The following NBPF11 variants were observed in gnomAD, a reference collection of about 807,000 sequenced individuals.
NBPF11 encodes NBPF member 11, also known as NBPF family member NBPF11.
Under a neutral mutation model 93.9 loss-of-function variants are expected in NBPF11, and 72 were observed. That is an observed-to-expected ratio of 0.77 (90% CI 0.63 to 0.93). NBPF11 has a LOEUF of 0.93. NBPF11 is among the 40% of genes least tolerant of loss of function. The pLI is 0.00. For synonymous variants in NBPF11, 224 were observed against 304.9 expected, an observed-to-expected ratio of 0.73 and a Z score of 2.76; for missense variants, 705 against 802.2, an observed-to-expected ratio of 0.88 and a Z score of 1.46.
At chr1:148,115,424 C>G (rs1444062984) in intron 14 of NBPF11, among the ~76,000 whole-genome samples, 2 of 149,974 alleles carry the variant, frequency 1.3e-5, no homozygotes, top group East Asian at 4.0e-4. Flanking sequence ...AATACAAAGG[C>G]AAGGCTGCCA....
At chr1:148,118,007 C>T (rs1404186292) in intron 11 of NBPF11, among the ~76,000 whole-genome samples, 4 of 151,806 alleles carry the variant, frequency 2.6e-5, no homozygotes, top group African/African-American at 9.7e-5. Context: ...GATGATGTTC[C>T]ATTCATCTTT....
intron 3 of NBPF11, among the ~76,000 whole-genome samples, chr1:148,136,285 G>C (rs1421091391): frequency 1.3e-5 from 2 of 151,640 alleles, no homozygotes; most frequent in Non-Finnish European, 2.9e-5. Context: ...GTCCATAGCA[G>C]TTTTATTCGT....
intron 8 of NBPF11, 142 bp from the exon 9 acceptor site, chr1:148,122,408 G>C: frequency 7.1e-7 from 1 of 1,401,368 alleles, no homozygotes; most frequent in South Asian, 1.2e-5. Context: ...GAGGGAACAG[G>C]CAATCCTCTT....
intron 19 of NBPF11, among the ~76,000 whole-genome samples, 196 bp downstream of exon 19, chr1:148,107,515 T>C (rs1338121110): frequency 6.6e-6 from 1 of 152,250 alleles, no homozygotes; most frequent in Non-Finnish European, 1.5e-5. Flanking sequence ...GGTCAACCTA[T>C]AGTAAGTTAG....
At position 148,121,348 on chromosome 1, in the gene NBPF11, C is replaced by CTTTTTTTTT. The variant is rs782740427; in HGVS notation, c.779-647_779-639dup. On this transcript the variant is annotated intron_variant, in intron 9 of 23. Coordinates refer to ENST00000682118, the MANE Select transcript of NBPF11 (RefSeq NM_001385469.3). Reference sequence around the variant, plus strand: ...GTGAGCCAGCGTCCCTGGTCAGAGACTTTTTTTTTTTTTTTTTGAGATGCA... The same window carrying CTTTTTTTTT: ...GTGAGCCAGCGTCCCTGGTCAGAGACTTTTTTTTTTTTTTTTTTTTTTTTTTGAGATGCA... Among the ~76,000 whole-genome samples, 834 of 124,752 alleles carry CTTTTTTTTT rather than the reference C, an allele frequency of 6.7e-3. 53 individuals carry two copies. Among genetic ancestry groups the CTTTTTTTTT allele is most frequent in the Non-Finnish European group, 1.0e-2 (590 of 59,222 alleles). 81.8% of individuals were successfully genotyped at this position (124,752 alleles called of 152,430 possible). A position where few individuals can be genotyped will look rare whatever the true frequency, so the allele number is the denominator to read the frequency against.
At chr1:148,149,254 G>T in intron 1 of NBPF11, 1 of 1,595,310 alleles carries the variant, frequency 6.3e-7, no homozygotes. Flanking sequence ...AGTGTGCCGC[G>T]GTGGTGCTGC....
rs1648423748 is a variant in NBPF11 at position 148,151,753 on chromosome 1, CG to C, written c.-553del. The C allele has an allele frequency of 6.6e-6, 1 of 152,530 alleles. No homozygotes were observed. The highest frequency in any genetic ancestry group is 6.5e-5 in the Admixed American group (1 of 15,294). 9.4% of individuals were successfully genotyped at this position (152,530 alleles called of 1,614,324 possible). A position where few individuals can be genotyped will look rare whatever the true frequency, so the allele number is the denominator to read the frequency against. ...CGGCCTGGCGCGGCGCCCTCACCTC[CG>C]GAACGCTGGGTGGACTTCGCAGTAA... On this transcript the variant is annotated 5_prime_UTR_variant, in exon 1 of 24. It removes the in-frame stop codon of an upstream open reading frame in the 5' UTR. Transcript: ENST00000682118.
At chr1:148,144,490 G>A (rs200255902) in intron 1 of NBPF11, among the ~76,000 whole-genome samples, 4 of 151,640 alleles carry the variant, frequency 2.6e-5, no homozygotes, top group Admixed American at 6.6e-5. Flanking sequence ...TTCATGCCAG[G>A]CGAGGTCAAG....
intron 9 of NBPF11, among the ~76,000 whole-genome samples, chr1:148,121,254 G>C (rs1667751313): frequency 6.6e-6 from 1 of 151,714 alleles, no homozygotes; most frequent in Admixed American, 6.6e-5. Flanking sequence ...ATCTTGGACA[G>C]GCTGGTTTCG....
intron 1 of NBPF11, chr1:148,146,672 G>A (rs1330242230): frequency 3.1e-6 from 5 of 1,611,774 alleles, no homozygotes; most frequent in East Asian, 4.5e-5. Flanking sequence ...CCCACCAAGA[G>A]CGCCCGCGGC....
intron 9 of NBPF11, among the ~76,000 whole-genome samples, chr1:148,121,348 C>CT (rs782740427): frequency 0.021 from 2,618 of 124,862 alleles, 146 homozygotes; most frequent in East Asian, 0.044. Flanking sequence ...TGGTCAGAGA[C>CT]TTTTTTTTTT....
chr1:148,103,615 G>T lies in NBPF11; in HGVS notation c.*281C>A, dbSNP rs1256682875. The stretch of plus-strand genomic sequence containing the variant: ...ACTATAGTTTCATTCAAATCTTCAG[G>T]TGCCTATAGGTCCTGCCTGCAGGAA... On this transcript the variant is annotated 3_prime_UTR_variant, in exon 24 of 24. Coordinates refer to ENST00000682118, the MANE Select transcript of NBPF11 (RefSeq NM_001385469.3). The T allele has an allele frequency of 9.3e-6, 15 of 1,610,222 alleles. No homozygotes were observed. The highest frequency in any genetic ancestry group is 4.5e-5 in the East Asian group (2 of 44,878).
rs1553272640 is a variant in NBPF11, at chr1:148,124,905, T to C, written c.272A>G (p.Glu91Gly). 2 of 1,609,520 alleles carry C rather than the reference T, an allele frequency of 1.2e-6. No homozygotes were observed. The highest frequency in any genetic ancestry group is 2.7e-5 in the African/African-American group (2 of 74,808). ...CCCTACGGGGTCCCCTCACCTGAGC[T>C]CCTCAGCTTGCTTGAGCTGCTCTGC... ...KLAEQLKQAE[E>G]LRQYKVLVHS... Residue 91 changes from glutamate to glycine, a missense_variant, in exon 6 of 24, where the codon GAG becomes GGG. Around this residue, in one of 12 missense-constraint regions of NBPF11, gnomAD observed 128 missense variants for 112.8 expected, o/e 1.14. Transcript: ENST00000682118.
rs1663855190 is a variant in NBPF11 at position 148,107,126 on chromosome 1, G to T, written c.2079-12C>A. On this transcript the variant is annotated splice_polypyrimidine_tract_variant and intron_variant, in intron 19 of 23. Transcript: ENST00000682118. ...GCTCCCTGCTGAGCCTGGAAAAGTAGGAAAAAGTAAAGAATAAGCCAGGGG... is the reference window on the plus strand; with the variant it reads ...GCTCCCTGCTGAGCCTGGAAAAGTATGAAAAAGTAAAGAATAAGCCAGGGG... The T allele has an allele frequency of 1.7e-6, 1 of 581,394 alleles. No individual in the cohort carries two copies. Among genetic ancestry groups the T allele is most frequent in the Admixed American group, 3.2e-5 (1 of 31,670 alleles). The allele number at this position is 581,394 out of a possible 1,614,324, so 36.0% of individuals were successfully genotyped here.
chr1:148,127,301 T>C, intron 4 of NBPF11: 2 of 141,830 alleles, frequency 1.4e-5, no homozygotes, highest in Non-Finnish European at 2.3e-5. Flanking sequence ...GCAGTTGCAA[T>C]AACAGAATTA....
chr1:148,128,091 T>A (rs1255164492), intron 4 of NBPF11, among the ~76,000 whole-genome samples: 1 of 145,664 alleles, frequency 6.9e-6, no homozygotes, highest in South Asian at 2.1e-4. Flanking sequence ...ATTTTTCTGA[T>A]GGGAGACAGG....
chr1:148,120,750 T>C, intron 9 of NBPF11, 40 bp from the exon 10 acceptor site: 2 of 1,379,944 alleles, frequency 1.4e-6, no homozygotes, highest in Non-Finnish European at 2.1e-6. Flanking sequence ...GGTTAAAAAC[T>C]GGTGAAATCA....
intron 1 of NBPF11, among the ~76,000 whole-genome samples, chr1:148,148,913 C>A (rs1427489746): frequency 6.6e-6 from 1 of 151,400 alleles, no homozygotes; most frequent in East Asian, 2.0e-4. Flanking sequence ...CCCTGCAGAT[C>A]CTAGCTAGGA....
chr1:148,136,124 T>A (rs1671238985), intron 3 of NBPF11, among the ~76,000 whole-genome samples: 1 of 152,018 alleles, frequency 6.6e-6, no homozygotes. Flanking sequence ...CATTAATGGT[T>A]GGAATGTACA....
Sources: allele counts gnomAD v4.1 joint callset (sites outside exome capture counted in the v4.1 genomes callset), GRCh38; gene constraint gnomAD v4.1.1; regional missense constraint gnomAD v4.1.1; transcripts MANE v1.5; gene names NCBI Gene and HGNC (gene_info 2026-07-23, HGNC 2026-07-21).